Variants in RBMS3 observed in about 807,000 individuals in gnomAD.
The protein encoded by RBMS3 is RNA binding motif single stranded interacting protein 3.
RBMS3 carries 27 observed loss-of-function variants against 66.8 expected under a neutral mutation model. The observed-to-expected ratio is 0.40, with a 90% CI of 0.30 to 0.56. RBMS3 has a LOEUF of 0.56. Ranked by LOEUF, RBMS3 falls within the 20% of genes least tolerant of loss-of-function variation. RBMS3 has a pLI of 0.40. For missense variants in RBMS3, 513 were observed against 549.5 expected, an observed-to-expected ratio of 0.93 and a Z score of 0.66; for synonymous variants, 188 against 183.0, an observed-to-expected ratio of 1.03 and a Z score of -0.22.
At chr3:29,325,907 C>T (rs2035308335) in intron 1 of RBMS3, among the ~76,000 whole-genome samples, 3 of 152,112 alleles carry the variant, frequency 2.0e-5, no homozygotes, top group Admixed American at 1.3e-4. Flanking sequence ...CATTCTTCTC[C>T]TGTGCTATAG....
In RBMS3 at chr3:29,685,477, T is replaced by G. The variant is rs183799812; in HGVS notation, c.400-54243T>G. 3.7e-4 allele frequency among the ~76,000 whole-genome samples: 57 copies of G among 152,312 alleles called. 1 individual carries two copies. The East Asian group carries it at 0.011, about 29-fold the overall frequency. On this transcript the variant is annotated intron_variant, in intron 4 of 14. Transcript: ENST00000383767. ...TGCTATTTAAGCTCTATTCTACCTT[T>G]TTTTGTCCCATGGGAGTCCATTCCA...
chr3:29,714,504 G>T (rs1386345426), intron 4 of RBMS3, among the ~76,000 whole-genome samples: 1 of 152,138 alleles, frequency 6.6e-6, no homozygotes, highest in Non-Finnish European at 1.5e-5. Flanking sequence ...AAAAGGACAG[G>T]ATTGGAGATA....
intron 6 of RBMS3, among the ~76,000 whole-genome samples, chr3:29,854,345 G>A (rs1484625947): frequency 1.3e-5 from 2 of 152,144 alleles, no homozygotes; most frequent in Non-Finnish European, 2.9e-5. Flanking sequence ...AACAAGCAGG[G>A]GCAAATCTGG....
intron 4 of RBMS3, among the ~76,000 whole-genome samples, chr3:29,669,118 T>G (rs2149243090): frequency 6.6e-6 from 1 of 152,302 alleles, no homozygotes. Flanking sequence ...GACAAAAAGC[T>G]ATTCTCCTTG....
intron 8 of RBMS3, among the ~76,000 whole-genome samples, chr3:29,891,334 C>T (rs1240947504): frequency 6.6e-6 from 1 of 151,586 alleles, no homozygotes; most frequent in East Asian, 1.9e-4. Context: ...TCCAAGTTAT[C>T]ACTTAAAAAT....
intron 1 of RBMS3, among the ~76,000 whole-genome samples, chr3:29,283,076 G>C (rs547540076): frequency 1.0e-3 from 152 of 152,046 alleles, no homozygotes; most frequent in Non-Finnish European, 1.8e-3. Context: ...TAACTCTTTG[G>C]GGGTGTTAGG....
chr3:29,478,033 TGCTGGGATTA>T (rs2043010153), intron 2 of RBMS3, among the ~76,000 whole-genome samples: 1 of 152,178 alleles, frequency 6.6e-6, no homozygotes, highest in Non-Finnish European at 1.5e-5. Flanking sequence ...CCTCCCAAAG[TGCTGGGATTA>T]CAGGTGTGAG....
intron 3 of RBMS3, among the ~76,000 whole-genome samples, chr3:29,510,392 C>T (rs974606330): frequency 3.3e-5 from 5 of 152,256 alleles, no homozygotes; most frequent in Admixed American, 6.5e-5. Flanking sequence ...CATTCTAAAC[C>T]TGACTTAGAT....
intron 2 of RBMS3, among the ~76,000 whole-genome samples, chr3:29,446,906 C>CTTTTTTTTTT (rs11293530): frequency 1.5e-5 from 1 of 68,582 alleles, no homozygotes; most frequent in Non-Finnish European, 2.5e-5. Context: ...ATTAAGCAGT[C>CTTTTTTTTTT]TTTTTTTTTT....
At chr3:29,396,097 T>A (rs2039535085) in intron 1 of RBMS3, among the ~76,000 whole-genome samples, 1 of 152,128 alleles carries the variant, frequency 6.6e-6, no homozygotes, top group Admixed American at 6.6e-5. Flanking sequence ...GAGGCGCAGG[T>A]GGATATCATG....
intron 1 of RBMS3, among the ~76,000 whole-genome samples, chr3:29,376,443 G>A (rs1221815416): frequency 1.3e-5 from 2 of 152,170 alleles, no homozygotes; most frequent in Admixed American, 6.5e-5. Flanking sequence ...GCAGCAGGGT[G>A]GTGATTCTGA....
chr3:29,892,843 G>GTATGTATGTATTTATTTATT (rs1336972891), intron 8 of RBMS3, among the ~76,000 whole-genome samples: 76 of 137,526 alleles, frequency 5.5e-4, no homozygotes, highest in Admixed American at 1.2e-3. Context: ...ATGTATGTAT[G>GTATGTATGTATTTATTTATT]TATTTATTTA....
At chr3:29,314,830 T>C (rs1311413146) in intron 1 of RBMS3, among the ~76,000 whole-genome samples, 1 of 151,768 alleles carries the variant, frequency 6.6e-6, no homozygotes, top group African/African-American at 2.4e-5. Flanking sequence ...CTTTTCTGAA[T>C]TAGAGTTGCT....
At chr3:29,849,950 C>G (rs1000537916) in intron 6 of RBMS3, among the ~76,000 whole-genome samples, 3 of 152,158 alleles carry the variant, frequency 2.0e-5, no homozygotes, top group African/African-American at 4.8e-5. Flanking sequence ...ATATTTGCAG[C>G]CTTATTTCTT....
intron 4 of RBMS3, among the ~76,000 whole-genome samples, chr3:29,677,366 A>AT (rs2051300159): frequency 6.6e-6 from 1 of 152,024 alleles, no homozygotes; most frequent in African/African-American, 2.4e-5. Flanking sequence ...TGCCTTAATA[A>AT]TTTTTTCTCT....
intron 4 of RBMS3, among the ~76,000 whole-genome samples, chr3:29,718,397 C>T (rs1208403171): frequency 2.6e-5 from 4 of 151,828 alleles, no homozygotes; most frequent in Admixed American, 2.0e-4. Flanking sequence ...GGAAGTGATC[C>T]ATGAAAACAG....
intron 1 of RBMS3, among the ~76,000 whole-genome samples, chr3:29,358,375 T>C (rs2037354995): frequency 6.6e-6 from 1 of 152,198 alleles, no homozygotes. Context: ...GTATTATTTC[T>C]AAGGGCTCTG....
At position 29,925,278 on chromosome 3, in the gene RBMS3, C is replaced by T. The variant is rs1265972894; in HGVS notation, c.940-10808C>T. ...TTGAGCTAACCAAAATATTTCGCTG[C>T]TGTCTCTTACTATTCTATGCGGCAT... On this transcript the variant is annotated intron_variant, in intron 10 of 14. Transcript: ENST00000383767. 2.6e-5 allele frequency: 4 copies of T among 152,264 alleles called. No individual in the cohort carries two copies. The East Asian group carries it at 7.7e-4, about 29-fold the overall frequency. 9.4% of individuals were successfully genotyped at this position (152,264 alleles called of 1,614,324 possible). A position where few individuals can be genotyped will look rare whatever the true frequency, so the allele number is the denominator to read the frequency against.
Position 29,427,850 on chromosome 3 carries a change from A to C in RBMS3, c.76-6893A>C, listed in dbSNP as rs7628768. On this transcript the variant is annotated intron_variant, in intron 1 of 14. Transcript: ENST00000383767. ...TCCTGCCAGCAACCAGATGCCGGCA[A>C]TAGAACTGACTGCAGTTTGGCATCA... 2.2e-3 allele frequency among the ~76,000 whole-genome samples: 338 copies of C among 152,310 alleles called. 3 individuals are homozygous for C. The highest frequency in any genetic ancestry group is 7.9e-3 in the African/African-American group (328 of 41,584).
Sources: allele counts gnomAD v4.1 joint callset (sites outside exome capture counted in the v4.1 genomes callset), GRCh38; gene constraint gnomAD v4.1.1; transcripts MANE v1.5; gene names NCBI Gene and HGNC (gene_info 2026-07-23, HGNC 2026-07-21).